The following CTXN2 variants were observed in gnomAD, a reference collection of about 807,000 sequenced individuals.
The protein encoded by CTXN2 is cortexin 2.
A neutral mutation model predicts 5.7 loss-of-function variants in CTXN2; 3 were observed. The ratio of observed to expected loss-of-function variants is 0.53; its 90% confidence interval spans 0.24 to 1.36. The LOEUF is 1.36. Among genes scored for constraint, CTXN2 ranks in the 40% most tolerant of loss-of-function variants. CTXN2 has a pLI of 0.17. For missense variants in CTXN2, 87 were observed against 93.0 expected (o/e 0.94, Z 0.26); for synonymous variants, 38 against 36.4 (o/e 1.04, Z -0.16).
chr15:48,190,494 C>T (rs2040805614), upstream of CTXN2, among the ~76,000 whole-genome samples: 1 of 151,732 alleles, frequency 6.6e-6, no homozygotes, highest in Non-Finnish European at 1.5e-5. Flanking sequence ...TATACATTGC[C>T]CATTTTTTTG....
intron 1 of CTXN2, among the ~76,000 whole-genome samples, chr15:48,186,303 A>G (rs2040754383): frequency 6.6e-6 from 1 of 152,238 alleles, no homozygotes; most frequent in Non-Finnish European, 1.5e-5. Context: ...AGTTTACCAG[A>G]AAACAGAGCA....
upstream of CTXN2, among the ~76,000 whole-genome samples, chr15:48,190,769 C>T (rs1597383415): frequency 6.6e-6 from 1 of 152,094 alleles, no homozygotes; most frequent in South Asian, 2.1e-4. Context: ...AATTGGGAAC[C>T]CTGTAACTGA....
intron 1 of CTXN2, among the ~76,000 whole-genome samples, chr15:48,182,520 T>C (rs572205608): frequency 5.5e-4 from 84 of 152,330 alleles, no homozygotes; most frequent in African/African-American, 1.9e-3. Flanking sequence ...AGTAGTATAC[T>C]GATGTGATAT....
At chr15:48,184,942 T>C (rs967365168) in intron 1 of CTXN2, among the ~76,000 whole-genome samples, 7 of 152,086 alleles carry the variant, frequency 4.6e-5, no homozygotes, top group African/African-American at 1.7e-4. Context: ...GGCATATCCA[T>C]ACAATGAAAT....
At chr15:48,188,825 G>C (rs904684742), upstream of CTXN2, among the ~76,000 whole-genome samples, 1 of 152,144 alleles carries the variant, frequency 6.6e-6, no homozygotes, top group Non-Finnish European at 1.5e-5. Flanking sequence ...ATATTGGCAA[G>C]GACCTGAAGT....
chr15:48,196,441 GTAGAT>G (rs537715828), intron 1 of CTXN2, among the ~76,000 whole-genome samples: 55 of 152,032 alleles, frequency 3.6e-4, no homozygotes, highest in Admixed American at 1.1e-3. Context: ...GAAAACATGC[GTAGAT>G]TAAAGTGAAA....
intron 1 of CTXN2, 41 bp downstream of exon 1, chr15:48,191,894 C>G (rs910473184): frequency 2.2e-6 from 1 of 450,870 alleles, no homozygotes; most frequent in African/African-American, 2.0e-5. Context: ...CTCCCCCTTC[C>G]CTCCGCATTA....
chr15:48,183,708 T>G (rs989260453), intron 1 of CTXN2, among the ~76,000 whole-genome samples: 1 of 152,228 alleles, frequency 6.6e-6, no homozygotes, highest in Non-Finnish European at 1.5e-5. Context: ...TACTTGTGAC[T>G]TATCTTATTC....
At chr15:48,186,002 C>A (rs1475758537) in intron 1 of CTXN2, among the ~76,000 whole-genome samples, 3 of 152,246 alleles carry the variant, frequency 2.0e-5, no homozygotes, top group African/African-American at 7.2e-5. Flanking sequence ...CAGAAGCATA[C>A]ATTATGTTAG....
At chr15:48,184,110 C>T (rs2040725925) in intron 1 of CTXN2, among the ~76,000 whole-genome samples, 1 of 152,160 alleles carries the variant, frequency 6.6e-6, no homozygotes, top group Non-Finnish European at 1.5e-5. Flanking sequence ...TTTTTAAGTA[C>T]TGTTTTAGAT....
intron 1 of CTXN2, 116 bp from the exon 2 acceptor site, chr15:48,201,128 A>T: frequency 1.6e-6 from 1 of 624,858 alleles, no homozygotes; most frequent in Non-Finnish European, 2.8e-6. Context: ...TGATGCTTTC[A>T]AACATCTTTT....
At chr15:48,198,724 G>A (rs2040902199) in intron 1 of CTXN2, among the ~76,000 whole-genome samples, 1 of 152,154 alleles carries the variant, frequency 6.6e-6, no homozygotes, top group African/African-American at 2.4e-5. Flanking sequence ...TAAGAGCGTA[G>A]TGGATTAATC....
chr15:48,182,828 C>T (rs1354255274), intron 1 of CTXN2, among the ~76,000 whole-genome samples: 1 of 152,154 alleles, frequency 6.6e-6, no homozygotes, highest in African/African-American at 2.4e-5. Context: ...GGTCCAGGAG[C>T]TATTGCTAGA....
At chr15:48,189,845 G>A (rs1455356642), upstream of CTXN2, among the ~76,000 whole-genome samples, 1 of 152,042 alleles carries the variant, frequency 6.6e-6, no homozygotes, top group Non-Finnish European at 1.5e-5. Context: ...GTCTCGCTCT[G>A]TCACCCAGGC....
chr15:48,189,316 T>A (rs1197924607), upstream of CTXN2: 3 of 152,222 alleles, frequency 2.0e-5, no homozygotes, highest in East Asian at 5.8e-4. Flanking sequence ...TATTCTACCT[T>A]TTAAACTAAG....
At chr15:48,190,837 G>T (rs538657246), upstream of CTXN2, 1 of 152,252 alleles carries the variant, frequency 6.6e-6, no homozygotes, top group South Asian at 2.1e-4. Flanking sequence ...TTCTGTTGTT[G>T]TTTTTTTGTT....
rs563611057 is a variant in CTXN2, at chr15:48,201,757, T to C, written c.*211T>C. Reference sequence around the variant, plus strand: ...TTCCCACTTAGAGGTTTCCAATGAATAGAGCATAAGGATGGCTGCCGCCAT... The same window carrying C: ...TTCCCACTTAGAGGTTTCCAATGAACAGAGCATAAGGATGGCTGCCGCCAT... On this transcript the variant is annotated 3_prime_UTR_variant, in exon 2 of 2. Transcript: ENST00000417307. 5.4e-4 allele frequency: 312 copies of C among 582,598 alleles called. No individual in the cohort carries two copies. The highest frequency in any genetic ancestry group is 5.3e-3 in the African/African-American group (282 of 53,244). 36.1% of individuals were successfully genotyped at this position (582,598 alleles called of 1,614,324 possible). A position where few individuals can be genotyped will look rare whatever the true frequency, so the allele number is the denominator to read the frequency against.
intron 1 of CTXN2, among the ~76,000 whole-genome samples, chr15:48,195,334 G>A (rs1023441375): frequency 1.3e-5 from 2 of 151,832 alleles, no homozygotes; most frequent in African/African-American, 2.4e-5. Flanking sequence ...CCCTAGTGGA[G>A]ACCCTCATTG....
intron 1 of CTXN2, among the ~76,000 whole-genome samples, chr15:48,182,383 T>G (rs557736770): frequency 6.6e-6 from 1 of 152,356 alleles, no homozygotes; most frequent in Non-Finnish European, 1.5e-5. Flanking sequence ...TTTCTGTCTG[T>G]GATCCTCCAT....
Sources: allele counts gnomAD v4.1 joint callset (sites outside exome capture counted in the v4.1 genomes callset), GRCh38; gene constraint gnomAD v4.1.1; transcripts MANE v1.5; gene names NCBI Gene and HGNC (gene_info 2026-07-23, HGNC 2026-07-21).